Variants in FGGY observed in about 807,000 individuals in gnomAD.
FGGY encodes FGGY carbohydrate kinase domain containing, also known as FGGY carbohydrate kinase domain-containing protein.
FGGY carries 72 observed loss-of-function variants against 71.3 expected under a neutral mutation model. That is an observed-to-expected ratio of 1.01 (90% CI 0.84 to 1.23). The LOEUF is 1.23. FGGY is among the 50% of genes most tolerant of loss of function. FGGY has a pLI of 0.00. For synonymous variants in FGGY, 251 were observed against 250.3 expected (o/e 1.00, Z -0.02); for missense variants, 668 against 682.3 (o/e 0.98, Z 0.23).
chr1:59,514,136 G>A (rs2094582402), intron 7 of FGGY, among the ~76,000 whole-genome samples: 1 of 152,184 alleles, frequency 6.6e-6, no homozygotes, highest in African/African-American at 2.4e-5. Context: ...GGTCTAGGCA[G>A]ACATGGAGTG....
chr1:59,516,291 TA>T (rs1170102333), intron 7 of FGGY, among the ~76,000 whole-genome samples: 3 of 152,218 alleles, frequency 2.0e-5, no homozygotes, highest in African/African-American at 4.8e-5. Flanking sequence ...CTATATTAAC[TA>T]AATATAATTG....
intron 4 of FGGY, among the ~76,000 whole-genome samples, chr1:59,357,554 T>C (rs1443644764): frequency 1.3e-5 from 2 of 152,176 alleles, no homozygotes; most frequent in Non-Finnish European, 2.9e-5. Context: ...ATGAAGTCCC[T>C]TGGATCTTAA....
At chr1:59,552,018 G>C (rs1439077712) in intron 7 of FGGY, among the ~76,000 whole-genome samples, 1 of 152,134 alleles carries the variant, frequency 6.6e-6, no homozygotes, top group African/African-American at 2.4e-5. Flanking sequence ...GAGCTGAGAA[G>C]GGCTACATTC....
intron 8 of FGGY, among the ~76,000 whole-genome samples, chr1:59,579,754 T>C (rs1336640922): frequency 6.6e-6 from 1 of 152,182 alleles, no homozygotes; most frequent in East Asian, 1.9e-4. Context: ...TGGATTCTGT[T>C]CTCACAGCAG....
chr1:59,412,855 T>G (rs1414161226), intron 5 of FGGY, among the ~76,000 whole-genome samples: 1 of 152,162 alleles, frequency 6.6e-6, no homozygotes, highest in Non-Finnish European at 1.5e-5. Context: ...GGCATTGGGA[T>G]GGTTACCACA....
intron 6 of FGGY, among the ~76,000 whole-genome samples, chr1:59,499,384 A>G (rs894746263): frequency 6.8e-6 from 1 of 146,532 alleles, no homozygotes; most frequent in Non-Finnish European, 1.5e-5. Flanking sequence ...GATTTGCTGG[A>G]CAAAGGGATG....
At chr1:59,572,875 A>C (rs2096010671) in intron 8 of FGGY, among the ~76,000 whole-genome samples, 1 of 152,164 alleles carries the variant, frequency 6.6e-6, no homozygotes, top group South Asian at 2.1e-4. Context: ...TGGATTCACT[A>C]GAGAGAAACA....
At chr1:59,609,304 G>A (rs910072465) in intron 9 of FGGY, among the ~76,000 whole-genome samples, 11 of 152,200 alleles carry the variant, frequency 7.2e-5, no homozygotes, top group Non-Finnish European at 1.0e-4. Flanking sequence ...ATTGAACTTC[G>A]TCTAGCAGAC....
intron 8 of FGGY, among the ~76,000 whole-genome samples, chr1:59,570,136 C>T (rs2095957243): frequency 1.3e-5 from 2 of 152,186 alleles, no homozygotes; most frequent in Non-Finnish European, 2.9e-5. Flanking sequence ...GGCCCCTCTC[C>T]CACAGGGTCT....
intron 11 of FGGY, among the ~76,000 whole-genome samples, chr1:59,642,110 A>C (rs2153897728): frequency 6.6e-6 from 1 of 152,208 alleles, no homozygotes; most frequent in Non-Finnish European, 1.5e-5. Context: ...CTTGCATTCT[A>C]AGCATCTGTT....
chr1:59,629,763 A>G (rs928979220), intron 10 of FGGY, among the ~76,000 whole-genome samples: 2 of 152,240 alleles, frequency 1.3e-5, no homozygotes, highest in African/African-American at 4.8e-5. Context: ...CTCAGCTCCA[A>G]CATGTATCAT....
chr1:59,302,509 G>A (rs1050907511), intron 1 of FGGY, among the ~76,000 whole-genome samples: 1 of 152,046 alleles, frequency 6.6e-6, no homozygotes, highest in Admixed American at 6.5e-5. Flanking sequence ...GTCCTTTACA[G>A]CAGCATGGAT....
In FGGY at chr1:59,612,435, C is replaced by G. The variant is rs914879063; in HGVS notation, c.1011+4525C>G. On this transcript the variant is annotated intron_variant, in intron 9 of 15. Coordinates refer to ENST00000303721, the MANE Select transcript of FGGY (RefSeq NM_018291.5). ...AAGGAGAAATGAAATACTTTACAGA[C>G]AAGCAAATACTGAGAGATTTTGTCA... Among the ~76,000 whole-genome samples, 4 of 152,176 alleles carry G rather than the reference C, an allele frequency of 2.6e-5. No individual in the cohort carries two copies. The East Asian group carries it at 5.8e-4, about 22-fold the overall frequency.
chr1:59,388,750 ATTAC>A (rs1255172400), intron 5 of FGGY, among the ~76,000 whole-genome samples: 2 of 152,158 alleles, frequency 1.3e-5, no homozygotes, highest in Non-Finnish European at 2.9e-5. Context: ...TGCAGATTAC[ATTAC>A]TTATTTTTAT....
intron 5 of FGGY, among the ~76,000 whole-genome samples, chr1:59,403,788 T>C (rs1181801884): frequency 6.6e-6 from 1 of 152,216 alleles, no homozygotes; most frequent in African/African-American, 2.4e-5. Context: ...TGATGTGGGC[T>C]CTGGAGCCAG....
chr1:59,328,133 AG>A (rs2047761884), intron 2 of FGGY, among the ~76,000 whole-genome samples: 1 of 152,180 alleles, frequency 6.6e-6, no homozygotes, highest in South Asian at 2.1e-4. Context: ...TGAAGCTTTG[AG>A]GCCAGGCATT....
In FGGY at chr1:59,701,203, A is replaced by G. The variant is rs116412827; in HGVS notation, c.1512+27070A>G. 1.9e-3 allele frequency among the ~76,000 whole-genome samples: 282 copies of G among 152,302 alleles called. 1 individual carries two copies. Among genetic ancestry groups the G allele is most frequent in the African/African-American group, 6.4e-3 (268 of 41,566 alleles). On this transcript the variant is annotated intron_variant, in intron 14 of 15. Transcript: ENST00000303721. ...ATCTTCCATATATACCCATAGCCCC[A>G]CACATTTTTATCTTGCAAAGTCAGT...
At chr1:59,657,914 C>G (rs1443479127) in intron 11 of FGGY, among the ~76,000 whole-genome samples, 1 of 152,174 alleles carries the variant, frequency 6.6e-6, no homozygotes, top group East Asian at 1.9e-4. Context: ...GCATGGTCTC[C>G]TCCTCTCTGA....
At chr1:59,613,333 T>A (rs1320974034) in intron 9 of FGGY, among the ~76,000 whole-genome samples, 4 of 151,878 alleles carry the variant, frequency 2.6e-5, no homozygotes, top group South Asian at 2.1e-4. Context: ...AGAATTCAGG[T>A]TTCAGAAACT....
Sources: gnomAD v4.1 joint callset for allele counts (sites outside exome capture counted in the v4.1 genomes callset) on GRCh38, gnomAD v4.1.1 for gene constraint, MANE v1.5 for transcripts, NCBI Gene and HGNC (gene_info 2026-07-23, HGNC 2026-07-21) for gene names.